The following ARHGEF9 variants were observed in gnomAD, a reference collection of about 807,000 sequenced individuals.
ARHGEF9 encodes the protein Cdc42 guanine nucleotide exchange factor 9.
ARHGEF9 carries 2 observed loss-of-function variants against 41.3 expected under a neutral mutation model. The observed-to-expected ratio is 0.05, with a 90% CI of 0.02 to 0.15. The LOEUF is 0.15. Ranked by LOEUF, ARHGEF9 falls within the 10% of genes least tolerant of loss-of-function variation. ARHGEF9 has a pLI of 1.00. For missense variants in ARHGEF9, 225 were observed against 424.7 expected, an observed-to-expected ratio of 0.53 and a Z score of 4.13; for synonymous variants, 160 against 154.4, an observed-to-expected ratio of 1.04 and a Z score of -0.27.
intron 1 of ARHGEF9, chrX:63,727,743 C>G (rs1433614045): frequency 1.8e-5 from 2 of 112,118 alleles, no homozygotes; most frequent in Non-Finnish European, 3.8e-5. Flanking sequence ...ATGTCAGGCA[C>G]TATTCTAAAC....
chrX:63,676,863 C>G (rs2050289290), intron 5 of ARHGEF9, among the ~76,000 whole-genome samples: 1 of 112,419 alleles, frequency 8.9e-6, no homozygotes, highest in African/African-American at 3.2e-5. Context: ...TCTTAGTACT[C>G]AAGTAGTCAC....
intron 1 of ARHGEF9, among the ~76,000 whole-genome samples, chrX:63,742,767 C>T (rs2055037275): frequency 9.0e-6 from 1 of 111,471 alleles, no homozygotes; most frequent in Non-Finnish European, 1.9e-5. Context: ...AATCTGGGGC[C>T]ACTTTTCTTC....
intron 1 of ARHGEF9, among the ~76,000 whole-genome samples, chrX:63,781,253 T>C (rs1176475754): frequency 2.7e-5 from 3 of 112,142 alleles, no homozygotes; most frequent in Non-Finnish European, 5.6e-5. Context: ...TTTTTTCATA[T>C]ATAAGACTAT....
At chrX:63,652,939 T>C (rs1418504372) in intron 8 of ARHGEF9, among the ~76,000 whole-genome samples, 1 of 111,401 alleles carries the variant, frequency 9.0e-6, no homozygotes, top group African/African-American at 3.3e-5. Context: ...CCTGCCACTA[T>C]GTGAAGAAGA....
intron 6 of ARHGEF9, among the ~76,000 whole-genome samples, chrX:63,671,831 G>T (rs1433340347): frequency 8.9e-6 from 1 of 112,393 alleles, no homozygotes; most frequent in African/African-American, 3.2e-5. Context: ...TGGCAAATAT[G>T]ACAGAAACTT....
intron 1 of ARHGEF9, among the ~76,000 whole-genome samples, chrX:63,783,701 A>T (rs1382011395): frequency 9.0e-6 from 1 of 111,721 alleles, no homozygotes; most frequent in Non-Finnish European, 1.9e-5. Flanking sequence ...AGGAGACTCA[A>T]GTGCTAGACT....
intron 8 of ARHGEF9, among the ~76,000 whole-genome samples, chrX:63,647,061 G>A (rs1254854864): frequency 1.8e-5 from 2 of 111,717 alleles, no homozygotes; most frequent in Non-Finnish European, 3.8e-5. Flanking sequence ...GAATGCTTGT[G>A]ATTTTTGCAC....
intron 1 of ARHGEF9, 82 bp from the exon 2 acceptor site, chrX:63,724,793 T>G (rs2053856614): frequency 2.1e-6 from 2 of 956,071 alleles, no homozygotes; most frequent in East Asian, 3.1e-5. Flanking sequence ...CTCTACTACT[T>G]ACAGAGAAAC....
In ARHGEF9 at chrX:63,785,153, G is replaced by A. The variant is rs1556464485; in HGVS notation, c.-8C>T. On this transcript the variant is annotated 5_prime_UTR_variant, in exon 1 of 10. Transcript: ENST00000671741. ...GCCCCTTATCCACTGCATGGTGCTT[G>A]CGAAGTCCGGCTTCTCTGAGGCCCC... The A allele has an allele frequency of 2.7e-5, 31 of 1,162,752 alleles. No homozygotes were observed. The highest frequency in any genetic ancestry group is 3.6e-5 in the African/African-American group (2 of 55,711).
chrX:63,772,274 G>C (rs1468725725), intron 1 of ARHGEF9, among the ~76,000 whole-genome samples: 1 of 111,577 alleles, frequency 9.0e-6, no homozygotes, highest in African/African-American at 3.3e-5. Flanking sequence ...AAAAATGGAT[G>C]TCGGTCTTCC....
At chrX:63,749,221 C>G (rs1321987875) in intron 1 of ARHGEF9, among the ~76,000 whole-genome samples, 1 of 111,571 alleles carries the variant, frequency 9.0e-6, no homozygotes, top group East Asian at 2.8e-4. Context: ...TCCTTTCTTT[C>G]TTTTGTTTCC....
intron 8 of ARHGEF9, among the ~76,000 whole-genome samples, chrX:63,654,215 A>G (rs781869764): frequency 9.0e-6 from 1 of 110,971 alleles, no homozygotes; most frequent in African/African-American, 3.3e-5. Context: ...TCAGAAAGTA[A>G]TTTCTAGAAG....
chrX:63,780,691 T>C (rs1178630057), intron 1 of ARHGEF9, among the ~76,000 whole-genome samples: 4 of 112,269 alleles, frequency 3.6e-5, no homozygotes, highest in Non-Finnish European at 7.5e-5. Context: ...TTACTTTTAA[T>C]AATATATATG....
chrX:63,752,397 G>A (rs190255807), intron 1 of ARHGEF9, among the ~76,000 whole-genome samples: 52 of 110,860 alleles, frequency 4.7e-4, no homozygotes, highest in Non-Finnish European at 6.8e-4. Context: ...AAAAAAACAG[G>A]TCTGCAGCTG....
At chrX:63,687,723 C>T (rs1373945519) in intron 4 of ARHGEF9, among the ~76,000 whole-genome samples, 1 of 109,597 alleles carries the variant, frequency 9.1e-6, no homozygotes, top group African/African-American at 3.3e-5. Context: ...AATAGTCAAA[C>T]TGAAAAATAC....
intron 1 of ARHGEF9, among the ~76,000 whole-genome samples, chrX:63,774,373 T>G (rs186808174): frequency 2.0e-3 from 225 of 111,578 alleles, no homozygotes; most frequent in Non-Finnish European, 3.5e-3. Context: ...GTAATTTGCC[T>G]CTGGTTGTCA....
chrX:63,732,987 CT>C (rs1231363173), intron 1 of ARHGEF9, among the ~76,000 whole-genome samples: 2 of 111,879 alleles, frequency 1.8e-5, no homozygotes, highest in Non-Finnish European at 3.8e-5. Context: ...CTCTCTGCCT[CT>C]TTCAGTAACC....
At chrX:63,784,127 C>T (rs782724746) in intron 1 of ARHGEF9, among the ~76,000 whole-genome samples, 8 of 112,224 alleles carry the variant, frequency 7.1e-5, no homozygotes, top group South Asian at 7.5e-4. Context: ...TGGGTGGCAG[C>T]GTAGAAGTGT....
At chrX:63,760,528 C>T (rs2056015924) in intron 1 of ARHGEF9, among the ~76,000 whole-genome samples, 1 of 111,846 alleles carries the variant, frequency 8.9e-6, no homozygotes, top group African/African-American at 3.3e-5. Flanking sequence ...GAGAGCTAAT[C>T]AGTGATGCAC....
Sources: gnomAD v4.1 joint callset for allele counts (sites outside exome capture counted in the v4.1 genomes callset) on GRCh38, gnomAD v4.1.1 for gene constraint, MANE v1.5 for transcripts, NCBI Gene and HGNC (gene_info 2026-07-23, HGNC 2026-07-21) for gene names.